EYS: variants seen among roughly 807,000 people sequenced by gnomAD.
The protein encoded by EYS is EGF-like photoreceptor maintenance factor.
Under a neutral mutation model 282.1 loss-of-function variants are expected in EYS, and 250 were observed. The ratio of observed to expected loss-of-function variants is 0.89; its 90% confidence interval spans 0.80 to 0.98. EYS has a LOEUF of 0.98. Among genes scored for constraint, EYS ranks in the 50% least tolerant of loss-of-function variants. The probability of loss-of-function intolerance (pLI) is 0.00; values close to 1 mark genes in which losing one functional copy is unlikely to be tolerated. For missense variants in EYS, 4,016 were observed against 3,709.0 expected (o/e 1.08, Z -2.15); for synonymous variants, 1,355 against 1,282.9 (o/e 1.06, Z -1.20).
At chr6:64,719,107 C>A (rs1352393779) in intron 22 of EYS, among the ~76,000 whole-genome samples, 2 of 152,070 alleles carry the variant, frequency 1.3e-5, no homozygotes, top group East Asian at 3.9e-4. Flanking sequence ...TGAAGGCGGG[C>A]AAGTGATGTG....
intron 11 of EYS, chr6:65,332,465 T>A: frequency 7.4e-7 from 1 of 1,343,384 alleles, no homozygotes; most frequent in Non-Finnish European, 1.0e-6. Flanking sequence ...ACTTAAGGCC[T>A]AATATTTAAG....
At chr6:65,576,341 C>T (rs1289303563) in intron 2 of EYS, among the ~76,000 whole-genome samples, 1 of 151,748 alleles carries the variant, frequency 6.6e-6, no homozygotes, top group African/African-American at 2.4e-5. Context: ...ATGATTATCT[C>T]AATGCATGCA....
In EYS at chr6:65,644,442, T is replaced by C. The variant is rs200535583; in HGVS notation, c.-447-4550A>G. ...GTTAAGCATTCAAACCTAAGAATAA[T>C]TGGTGTTTCCGTGGAAGAAGAGAAA... On this transcript the variant is annotated intron_variant, in intron 1 of 42. Coordinates refer to ENST00000503581, the MANE Select transcript of EYS (RefSeq NM_001142800.2). Among the ~76,000 whole-genome samples, 5 of 152,182 alleles carry C rather than the reference T, an allele frequency of 3.3e-5. No homozygotes were observed. The East Asian group carries it at 9.6e-4, about 29-fold the overall frequency.
At chr6:64,598,928 A>T (rs1317592754) in intron 24 of EYS, among the ~76,000 whole-genome samples, 1 of 152,222 alleles carries the variant, frequency 6.6e-6, no homozygotes, top group Non-Finnish European at 1.5e-5. Flanking sequence ...AATTAATGTG[A>T]GTATTTTAGG....
At chr6:65,152,939 C>T (rs1407226531) in intron 12 of EYS, among the ~76,000 whole-genome samples, 3 of 150,426 alleles carry the variant, frequency 2.0e-5, no homozygotes, top group Non-Finnish European at 4.4e-5. Flanking sequence ...TAATTTCATG[C>T]CAATAATACA....
chr6:64,930,487 A>G (rs2150086774), intron 15 of EYS, among the ~76,000 whole-genome samples: 1 of 151,512 alleles, frequency 6.6e-6, no homozygotes, highest in South Asian at 2.1e-4. Flanking sequence ...AAAAAAGCAA[A>G]ACAATATCTC....
At chr6:64,841,367 T>TTAA (rs1310119686) in intron 19 of EYS, among the ~76,000 whole-genome samples, 3 of 152,158 alleles carry the variant, frequency 2.0e-5, no homozygotes, top group Non-Finnish European at 2.9e-5. Context: ...TATTATTTTA[T>TTAA]TAATATGCAA....
At chr6:64,061,833 T>C (rs1242648916) in intron 33 of EYS, among the ~76,000 whole-genome samples, 1 of 151,720 alleles carries the variant, frequency 6.6e-6, no homozygotes, top group East Asian at 1.9e-4. Context: ...CTACTAAAAA[T>C]ACAAAAGTTA....
intron 19 of EYS, among the ~76,000 whole-genome samples, chr6:64,855,602 C>T (rs911782562): frequency 1.3e-5 from 2 of 152,054 alleles, no homozygotes; most frequent in Admixed American, 6.6e-5. Context: ...GGTACATTAA[C>T]CACAATGATG....
At chr6:65,194,750 C>A (rs1444809444) in intron 12 of EYS, among the ~76,000 whole-genome samples, 1 of 151,892 alleles carries the variant, frequency 6.6e-6, no homozygotes. Context: ...GATCCAGACC[C>A]AGGGAATTGA....
intron 12 of EYS, among the ~76,000 whole-genome samples, chr6:65,180,208 A>C (rs1300271214): frequency 1.3e-5 from 2 of 151,946 alleles, no homozygotes; most frequent in African/African-American, 2.4e-5. Flanking sequence ...CTGGCCAGGG[A>C]AGTCAGGCAG....
intron 13 of EYS, among the ~76,000 whole-genome samples, chr6:65,049,682 C>T (rs973097336): frequency 1.3e-5 from 2 of 151,800 alleles, no homozygotes; most frequent in East Asian, 3.9e-4. Flanking sequence ...GAATTCAATG[C>T]AAACAACCCT....
rs373133099 is a variant in EYS at position 64,120,287 on chromosome 6, C to T, written c.6425-38285G>A. On this transcript the variant is annotated intron_variant, in intron 31 of 42. Coordinates refer to ENST00000503581, the MANE Select transcript of EYS (RefSeq NM_001142800.2). ...GAGAGAATGGCGTGAACCCAGGAGG[C>T]GGAGCTTGCAGTGAGAGGAGATCGC... Among the ~76,000 whole-genome samples the T allele has an allele frequency of 6.3e-4, 86 of 135,978 alleles. 2 individuals are homozygous for T. The highest frequency in any genetic ancestry group is 2.2e-3 in the African/African-American group (79 of 36,148). 89.2% of individuals were successfully genotyped at this position (135,978 alleles called of 152,430 possible). A position where few individuals can be genotyped will look rare whatever the true frequency, so the allele number is the denominator to read the frequency against.
rs926158324 is a variant in EYS, at chr6:63,720,409, T to C, written c.*187A>G. ...TGAATCAAAATATATACAGATAAAT[T>C]AGATGTAGGAAAAACAATCAGAACC... is the stretch of plus-strand genomic sequence containing the variant. On this transcript the variant is annotated 3_prime_UTR_variant, in exon 43 of 43. Coordinates refer to ENST00000503581, the MANE Select transcript of EYS (RefSeq NM_001142800.2). 5.8e-6 allele frequency: 3 copies of C among 518,252 alleles called. No individual in the cohort carries two copies. Among genetic ancestry groups the C allele is most frequent in the African/African-American group, 3.9e-5 (2 of 50,738 alleles). 32.1% of individuals were successfully genotyped at this position (518,252 alleles called of 1,614,324 possible).
intron 19 of EYS, among the ~76,000 whole-genome samples, chr6:64,855,583 T>C (rs1440017151): frequency 6.6e-6 from 1 of 152,174 alleles, no homozygotes; most frequent in Non-Finnish European, 1.5e-5. Context: ...GAATGTCTAA[T>C]ATTAGTGTGG....
rs887935753 is a variant in EYS at position 63,854,449 on chromosome 6, A to C, written c.7228+9737T>G. On this transcript the variant is annotated intron_variant, in intron 36 of 42. Transcript: ENST00000503581. The stretch of plus-strand genomic sequence containing the variant: ...AGGGGAACATTACACACCGAGGCCT[A>C]TCAGGGGGTGGGTGGCAAGGGGAGG... Among the ~76,000 whole-genome samples, 18 of 152,230 alleles carry C rather than the reference A, an allele frequency of 1.2e-4. No individual in the cohort carries two copies. The South Asian group carries it at 3.5e-3, about 30-fold the overall frequency.
intron 22 of EYS, among the ~76,000 whole-genome samples, chr6:64,729,751 A>AT (rs35775099): frequency 2.3e-4 from 34 of 150,444 alleles, no homozygotes; most frequent in African/African-American, 2.9e-4. Context: ...ATGAGTTTTG[A>AT]TTTTTTTTTT....
intron 9 of EYS, among the ~76,000 whole-genome samples, chr6:65,345,891 TG>T (rs1770375020): frequency 6.6e-6 from 1 of 151,212 alleles, no homozygotes; most frequent in Non-Finnish European, 1.5e-5. Context: ...AAAAAAAAAT[TG>T]GACTAGCAGA....
intron 28 of EYS, among the ~76,000 whole-genome samples, chr6:64,428,962 C>A (rs542928729): frequency 6.6e-6 from 1 of 152,098 alleles, no homozygotes; most frequent in African/African-American, 2.4e-5. Flanking sequence ...CCTTTTTGAT[C>A]AAAATCCAAC....
Sources: gnomAD v4.1 joint callset for allele counts (sites outside exome capture counted in the v4.1 genomes callset) on GRCh38, gnomAD v4.1.1 for gene constraint, MANE v1.5 for transcripts, NCBI Gene and HGNC (gene_info 2026-07-23, HGNC 2026-07-21) for gene names.